The following CAMTA1 variants were observed in gnomAD, a reference collection of about 807,000 sequenced individuals.
The protein encoded by CAMTA1 is calmodulin binding transcription activator 1.
Under a neutral mutation model 170.9 loss-of-function variants are expected in CAMTA1, and 27 were observed. The observed-to-expected ratio is 0.16, with a 90% CI of 0.12 to 0.22. CAMTA1 has a LOEUF of 0.22. Ranked by LOEUF, CAMTA1 falls within the 10% of genes least tolerant of loss-of-function variation. CAMTA1 has a pLI of 1.00. For synonymous variants in CAMTA1, 833 were observed against 891.5 expected (o/e 0.93, Z 1.17); for missense variants, 1,619 against 2,217.2 (o/e 0.73, Z 5.42).
intron 5 of CAMTA1, among the ~76,000 whole-genome samples, chr1:7,451,205 G>A (rs2092816835): frequency 6.6e-6 from 1 of 152,200 alleles, no homozygotes; most frequent in Non-Finnish European, 1.5e-5. Flanking sequence ...TTTGCATGAT[G>A]TTCTCATCTG....
chr1:6,861,534 G>A (rs1328061970), intron 3 of CAMTA1, among the ~76,000 whole-genome samples: 1 of 152,066 alleles, frequency 6.6e-6, no homozygotes, highest in Non-Finnish European at 1.5e-5. Flanking sequence ...CACTGGTCAG[G>A]GGTTAGCGTG....
chr1:7,155,210 G>A (rs890738419), intron 4 of CAMTA1, among the ~76,000 whole-genome samples: 1 of 152,162 alleles, frequency 6.6e-6, no homozygotes, highest in Non-Finnish European at 1.5e-5. Context: ...CTGTGGACAG[G>A]CAGGAAGGTG....
At chr1:7,413,168 A>G (rs9662655) in intron 5 of CAMTA1, among the ~76,000 whole-genome samples, 33,369 of 151,404 alleles carry the variant, frequency 0.22, 4,137 homozygotes, top group East Asian at 0.49. Context: ...GCCTTGTAGT[A>G]TAGTTTGAAG....
chr1:7,018,134 C>T (rs1572469870), intron 3 of CAMTA1, among the ~76,000 whole-genome samples: 1 of 152,038 alleles, frequency 6.6e-6, no homozygotes, highest in South Asian at 2.1e-4. Flanking sequence ...TGGCTAATGC[C>T]AGGGCTTTTT....
intron 3 of CAMTA1, among the ~76,000 whole-genome samples, chr1:6,983,003 G>A (rs913525279): frequency 2.0e-5 from 3 of 152,162 alleles, no homozygotes; most frequent in Admixed American, 6.5e-5. Flanking sequence ...TCTGGAGCGG[G>A]GAGCCTCTGA....
chr1:7,208,666 G>T (rs536766632), intron 4 of CAMTA1, among the ~76,000 whole-genome samples: 2 of 152,340 alleles, frequency 1.3e-5, no homozygotes, highest in South Asian at 4.1e-4. Flanking sequence ...GCTGCCGTGG[G>T]TTGGGATTGT....
chr1:7,091,167 C>T lies in CAMTA1; in HGVS notation c.235-137C>T, dbSNP rs887936948. On this transcript the variant is annotated intron_variant, in intron 3 of 22. Transcript: ENST00000303635. ...ATCAAAATAGAAACAGAGTCCAAGTCGAGTATTTCTCTAGCAGGGATGGAG... is the reference window on the plus strand; with the variant it reads ...ATCAAAATAGAAACAGAGTCCAAGTTGAGTATTTCTCTAGCAGGGATGGAG... The T allele has an allele frequency of 4.2e-5, 29 of 692,598 alleles. No individual in the cohort carries two copies. The Middle Eastern group carries it at 1.1e-3, about 26-fold the overall frequency. 42.9% of individuals were successfully genotyped at this position (692,598 alleles called of 1,614,324 possible).
At position 7,347,283 on chromosome 1, in the gene CAMTA1, C is replaced by T. The variant is rs149765686; in HGVS notation, c.438+97657C>T. Among the ~76,000 whole-genome samples the T allele has an allele frequency of 1.3e-4, 20 of 152,290 alleles. No individual in the cohort carries two copies. The South Asian group carries it at 2.7e-3, about 20-fold the overall frequency. ...TCCATCGGGAAGGGGCTTCTGGACTCATCCCTCATTTTCTCAAAGGAGAGC... is the reference window on the plus strand; with the variant it reads ...TCCATCGGGAAGGGGCTTCTGGACTTATCCCTCATTTTCTCAAAGGAGAGC... On this transcript the variant is annotated intron_variant, in intron 5 of 22. Coordinates refer to ENST00000303635, the MANE Select transcript of CAMTA1 (RefSeq NM_015215.4).
intron 11 of CAMTA1, among the ~76,000 whole-genome samples, chr1:7,704,295 G>A (rs1238495282): frequency 6.9e-6 from 1 of 145,344 alleles, no homozygotes; most frequent in African/African-American, 2.5e-5. Flanking sequence ...CCGCGGGAAG[G>A]GGAACGGGAG....
At chr1:7,699,084 A>T (rs2096410620) in intron 11 of CAMTA1, among the ~76,000 whole-genome samples, 1 of 152,068 alleles carries the variant, frequency 6.6e-6, no homozygotes, top group Non-Finnish European at 1.5e-5. Flanking sequence ...TTCTCTTTCT[A>T]TTCTCCTTTG....
chr1:7,305,866 C>T (rs1270037209), intron 5 of CAMTA1, among the ~76,000 whole-genome samples: 1 of 151,878 alleles, frequency 6.6e-6, no homozygotes, highest in Non-Finnish European at 1.5e-5. Flanking sequence ...TAGGCGTGTA[C>T]TGGTATCTCA....
At chr1:7,076,743 T>C (rs1038651327) in intron 3 of CAMTA1, among the ~76,000 whole-genome samples, 2 of 152,170 alleles carry the variant, frequency 1.3e-5, no homozygotes, top group African/African-American at 2.4e-5. Context: ...AGTGGCAACA[T>C]AGCAGCGGGT....
intron 6 of CAMTA1, among the ~76,000 whole-genome samples, chr1:7,519,473 C>T (rs1295262910): frequency 6.6e-6 from 1 of 151,926 alleles, no homozygotes; most frequent in African/African-American, 2.4e-5. Flanking sequence ...ATTCAAGGAG[C>T]CTTGGAGATG....
At chr1:6,860,004 A>AT (rs935674511) in intron 3 of CAMTA1, among the ~76,000 whole-genome samples, 6 of 152,128 alleles carry the variant, frequency 3.9e-5, no homozygotes, top group Admixed American at 1.3e-4. Context: ...CATTTATGCT[A>AT]TTTTTTTGGA....
chr1:6,874,940 G>A (rs888550592), intron 3 of CAMTA1, among the ~76,000 whole-genome samples: 1 of 152,174 alleles, frequency 6.6e-6, no homozygotes, highest in African/African-American at 2.4e-5. Context: ...CTTGAGTGAG[G>A]TGGAAGGGAC....
At chr1:6,853,522 CAG>C (rs1173063356) in intron 3 of CAMTA1, among the ~76,000 whole-genome samples, 4 of 152,040 alleles carry the variant, frequency 2.6e-5, no homozygotes, top group Non-Finnish European at 4.4e-5. Context: ...CGACCAAAAA[CAG>C]AAACAGAGCA....
chr1:7,192,459 C>T (rs1189801110), intron 4 of CAMTA1, among the ~76,000 whole-genome samples: 1 of 152,214 alleles, frequency 6.6e-6, no homozygotes, highest in Non-Finnish European at 1.5e-5. Flanking sequence ...CCGGATAGCC[C>T]AGTGGTGGAA....
intron 5 of CAMTA1, among the ~76,000 whole-genome samples, chr1:7,280,920 G>A (rs919129253): frequency 1.3e-5 from 2 of 152,288 alleles, no homozygotes; most frequent in Admixed American, 1.3e-4. Flanking sequence ...GCCAAATTAG[G>A]AGAGAACTGC....
chr1:7,056,145 C>CTGGT (rs1388989177), intron 3 of CAMTA1, among the ~76,000 whole-genome samples: 1 of 152,174 alleles, frequency 6.6e-6, no homozygotes, highest in African/African-American at 2.4e-5. Context: ...GGACACAGAG[C>CTGGT]TGGTCCCCGG....
Sources: allele counts gnomAD v4.1 joint callset (sites outside exome capture counted in the v4.1 genomes callset), GRCh38; gene constraint gnomAD v4.1.1; transcripts MANE v1.5; gene names NCBI Gene and HGNC (gene_info 2026-07-23, HGNC 2026-07-21).